The following MTX2 variants were observed in gnomAD, a reference collection of about 807,000 sequenced individuals.
MTX2 encodes the protein metaxin-2.
In MTX2, 35 loss-of-function variants were observed where a neutral mutation model predicts 42.3. The ratio of observed to expected loss-of-function variants is 0.83; its 90% CI spans 0.63 to 1.10. MTX2 has a LOEUF of 1.10. MTX2 is among the 50% of genes least tolerant of loss of function. The pLI, the probability that MTX2 is intolerant of heterozygous loss-of-function variation, is 0.00. For synonymous variants in MTX2, 119 were observed against 100.9 expected, an observed-to-expected ratio of 1.18 and a Z score of -1.08; for missense variants, 307 against 304.1, an observed-to-expected ratio of 1.01 and a Z score of -0.07.
chr2:176,297,960 A>G, intron 3 of MTX2, 65 bp downstream of exon 3: 1 of 1,279,646 alleles, frequency 7.8e-7, no homozygotes, highest in South Asian at 1.7e-5. Context: ...TTTGACTTGC[A>G]GTTATATTTT....
chr2:176,285,709 C>A (rs1297119116), intron 1 of MTX2, among the ~76,000 whole-genome samples: 6 of 151,638 alleles, frequency 4.0e-5, no homozygotes, highest in Non-Finnish European at 1.5e-5. Context: ...TGTATCAGTA[C>A]TTAACTTGGT....
chr2:176,311,338 G>A (rs1185786344), intron 3 of MTX2, among the ~76,000 whole-genome samples: 2 of 152,154 alleles, frequency 1.3e-5, no homozygotes, highest in Non-Finnish European at 2.9e-5. Flanking sequence ...AGGTGTCTTC[G>A]AGTTAGGCTA....
At chr2:176,291,104 C>G (rs1374211521) in intron 1 of MTX2, among the ~76,000 whole-genome samples, 1 of 152,010 alleles carries the variant, frequency 6.6e-6, no homozygotes, top group African/African-American at 2.4e-5. Context: ...TTGTTAATTG[C>G]TGAGCCGATA....
chr2:176,269,806 C>T (rs1027430364), intron 1 of MTX2, 137 bp downstream of exon 1: 58 of 1,067,704 alleles, frequency 5.4e-5, no homozygotes, highest in Non-Finnish European at 1.0e-5. Flanking sequence ...CGGGCACGGA[C>T]TACCAACCTT....
In MTX2 at chr2:176,290,951, C is replaced by A. The variant is rs554047986; in HGVS notation, c.41-5909C>A. The stretch of plus-strand genomic sequence containing the variant: ...CAGATGTTACTGCTGTATCACTCCT[C>A]AGTTCAGCTTATCTGACAAACAGTC... On this transcript the variant is annotated intron_variant, in intron 1 of 9. Coordinates refer to ENST00000249442, the MANE Select transcript of MTX2 (RefSeq NM_006554.5). Among the ~76,000 whole-genome samples, 1,216 of 152,234 alleles carry A rather than the reference C, an allele frequency of 8.0e-3. 11 individuals are homozygous for A. The highest frequency in any genetic ancestry group is 0.013 in the Non-Finnish European group (873 of 68,006).
intron 1 of MTX2, among the ~76,000 whole-genome samples, chr2:176,291,591 C>G (rs1176195437): frequency 6.6e-6 from 1 of 152,010 alleles, no homozygotes; most frequent in Non-Finnish European, 1.5e-5. Flanking sequence ...GCGAAAACTT[C>G]CCTGTGGATA....
chr2:176,305,106 G>A (rs1684108897), intron 3 of MTX2, among the ~76,000 whole-genome samples: 1 of 151,998 alleles, frequency 6.6e-6, no homozygotes, highest in African/African-American at 2.4e-5. Flanking sequence ...AGTGTGCTGT[G>A]TATCTAACTT....
chr2:176,274,082 A>T (rs1454553758), intron 1 of MTX2, among the ~76,000 whole-genome samples: 1 of 152,098 alleles, frequency 6.6e-6, no homozygotes, highest in Admixed American at 6.5e-5. Flanking sequence ...TAACCATTTA[A>T]TGTAAGTCTA....
chr2:176,299,651 A>G (rs956786252), intron 3 of MTX2, among the ~76,000 whole-genome samples: 3 of 152,132 alleles, frequency 2.0e-5, no homozygotes, highest in Non-Finnish European at 2.9e-5. Flanking sequence ...GATAGTAGCC[A>G]TGACTATAAA....
Position 176,269,625 on chromosome 2 carries a change from C to T in MTX2, c.-5C>T, listed in dbSNP as rs1166507748. 2.5e-6 allele frequency: 4 copies of T among 1,591,536 alleles called. No individual in the cohort carries two copies. The East Asian group carries it at 9.1e-5, about 36-fold the overall frequency. Reference sequence around the variant, plus strand: ...GGCACCCGGGCGCCGGGCCTCCCAGCCGACATGTCTCTAGTGGCGGAAGCC... The same window carrying T: ...GGCACCCGGGCGCCGGGCCTCCCAGTCGACATGTCTCTAGTGGCGGAAGCC... On this transcript the variant is annotated 5_prime_UTR_variant, in exon 1 of 10. Coordinates refer to ENST00000249442, the MANE Select transcript of MTX2 (RefSeq NM_006554.5).
At chr2:176,333,840 T>A (rs768150063) in intron 9 of MTX2, among the ~76,000 whole-genome samples, 3 of 151,700 alleles carry the variant, frequency 2.0e-5, no homozygotes, top group Non-Finnish European at 4.4e-5. Flanking sequence ...GCTGTATAGG[T>A]TTGTAGCCTA....
intron 3 of MTX2, among the ~76,000 whole-genome samples, chr2:176,303,881 C>G (rs759326842): frequency 3.3e-5 from 5 of 151,936 alleles, no homozygotes; most frequent in East Asian, 1.9e-4. Context: ...AATTCACACT[C>G]CTGTAGTTCT....
At chr2:176,297,817 G>A (rs1017175524) in intron 2 of MTX2, 32 bp from the exon 3 acceptor site, 1 of 1,467,524 alleles carries the variant, frequency 6.8e-7, no homozygotes, top group Non-Finnish European at 9.2e-7. Context: ...ATTCTACTTG[G>A]TTAACATTTA....
At chr2:176,282,165 A>G (rs1221951714) in intron 1 of MTX2, among the ~76,000 whole-genome samples, 1 of 46,036 alleles carries the variant, frequency 2.2e-5, no homozygotes, top group Non-Finnish European at 3.8e-5. Flanking sequence ...GCTGTCAGAT[A>G]TCTTTCAGGC....
At chr2:176,311,708 C>G (rs1355549795) in intron 3 of MTX2, among the ~76,000 whole-genome samples, 1 of 152,246 alleles carries the variant, frequency 6.6e-6, no homozygotes, top group Non-Finnish European at 1.5e-5. Flanking sequence ...AGCCACTGAG[C>G]CAGGCACGGG....
intron 3 of MTX2, among the ~76,000 whole-genome samples, chr2:176,322,390 A>G (rs971039229): frequency 6.6e-6 from 1 of 152,092 alleles, no homozygotes. Context: ...TTTGACAGCT[A>G]TTTATAGTAC....
At chr2:176,325,539 T>C (rs1318118604) in intron 4 of MTX2, among the ~76,000 whole-genome samples, 1 of 151,702 alleles carries the variant, frequency 6.6e-6, no homozygotes, top group East Asian at 1.9e-4. Context: ...AGAAAAAAAA[T>C]ACAAACCCTT....
intron 3 of MTX2, among the ~76,000 whole-genome samples, chr2:176,311,290 C>T (rs1363903944): frequency 6.6e-6 from 1 of 152,118 alleles, no homozygotes; most frequent in African/African-American, 2.4e-5. Flanking sequence ...CCCAGAGGAG[C>T]ACCGAACTAT....
chr2:176,309,754 T>G (rs1304122854), intron 3 of MTX2, among the ~76,000 whole-genome samples: 3 of 148,242 alleles, frequency 2.0e-5, no homozygotes, highest in African/African-American at 7.6e-5. Context: ...TTCCATTTGC[T>G]TGGTAGATCT....
Sources: allele counts gnomAD v4.1 joint callset (sites outside exome capture counted in the v4.1 genomes callset), GRCh38; gene constraint gnomAD v4.1.1; transcripts MANE v1.5; gene names NCBI Gene and HGNC (gene_info 2026-07-23, HGNC 2026-07-21).